The following FSTL5 variants were observed in gnomAD, a reference collection of about 807,000 sequenced individuals.
FSTL5 encodes the protein follistatin-related protein 5.
In FSTL5, 62 loss-of-function variants were observed where a neutral mutation model predicts 89.1. That is an observed-to-expected ratio of 0.70 (90% CI 0.57 to 0.86). The LOEUF (loss-of-function observed/expected upper bound fraction) is 0.86, where lower values mean the gene tolerates loss of function less well. FSTL5 is among the 40% of genes least tolerant of loss of function. The pLI, the probability that FSTL5 is intolerant of heterozygous loss-of-function variation, is 0.00. For missense variants in FSTL5, 1,057 were observed against 1,001.6 expected (o/e 1.06, Z -0.75); for synonymous variants, 383 against 346.2 (o/e 1.11, Z -1.18).
intron 3 of FSTL5, among the ~76,000 whole-genome samples, chr4:161,921,108 T>C (rs1472232940): frequency 6.6e-6 from 1 of 152,148 alleles, no homozygotes; most frequent in Non-Finnish European, 1.5e-5. Context: ...TGGCACATGA[T>C]AGATGTTCCA....
At position 161,920,500 on chromosome 4, in the gene FSTL5, C is replaced by T. The variant is rs148666972; in HGVS notation, c.313G>A (p.Gly105Arg). The change falls in exon 4 of 16, where the codon GGA becomes AGA. Residue 105 changes from glycine to arginine, a missense_variant. Gly to Arg is a moderately radical substitution (Grantham distance 125). Coordinates refer to ENST00000306100, the MANE Select transcript of FSTL5 (RefSeq NM_020116.5). ...TCACAGTGGTTTTCATAGAATTCTC[C>T]GTCAGATCCACACACAGGTTTGTAG... ...RHYKPVCGSDGEFYENHCEVH... is the reference protein window; with the variant it reads ...RHYKPVCGSDREFYENHCEVH... 40 of 1,613,116 alleles carry T rather than the reference C, an allele frequency of 2.5e-5. No individual in the cohort carries two copies. Among genetic ancestry groups the T allele is most frequent in the East Asian group, 2.5e-4 (11 of 44,756 alleles).
At chr4:161,570,998 C>T (rs1732987825) in intron 8 of FSTL5, among the ~76,000 whole-genome samples, 1 of 151,862 alleles carries the variant, frequency 6.6e-6, no homozygotes, top group Non-Finnish European at 1.5e-5. Flanking sequence ...CATGTAGTCC[C>T]AGCTACTACT....
At position 162,083,677 on chromosome 4, in the gene FSTL5, G is replaced by T. The variant is rs540579692; in HGVS notation, c.126+27594C>A. Among the ~76,000 whole-genome samples, 17 of 151,806 alleles carry T rather than the reference G, an allele frequency of 1.1e-4. 1 individual carries two copies. In the South Asian group the frequency reaches 3.5e-3, roughly 31 times the overall value. ...AAATCTAGGGACTTCTGAAATACTT[G>T]CAAGGAATAATTTCAAATATTATCA... On this transcript the variant is annotated intron_variant, in intron 2 of 15. Coordinates refer to ENST00000306100, the MANE Select transcript of FSTL5 (RefSeq NM_020116.5).
chr4:161,468,834 G>C (rs112239604), intron 13 of FSTL5, among the ~76,000 whole-genome samples: 131 of 151,992 alleles, frequency 8.6e-4, no homozygotes, highest in African/African-American at 3.0e-3. Context: ...AATTCTGATA[G>C]TATTAATTGT....
chr4:162,149,934 T>A (rs1733160763), intron 1 of FSTL5, among the ~76,000 whole-genome samples: 1 of 152,136 alleles, frequency 6.6e-6, no homozygotes, highest in Non-Finnish European at 1.5e-5. Context: ...AAGTCTTGAA[T>A]GAAAAACAGA....
At chr4:161,829,139 T>TTATATATATATATATATA (rs56839306) in intron 4 of FSTL5, among the ~76,000 whole-genome samples, 16 of 139,934 alleles carry the variant, frequency 1.1e-4, no homozygotes, top group Admixed American at 2.9e-4. Flanking sequence ...CAGTCACATT[T>TTATATATATATATATATA]TATATATATA....
intron 8 of FSTL5, among the ~76,000 whole-genome samples, chr4:161,580,829 A>G (rs1733408374): frequency 6.6e-6 from 1 of 152,208 alleles, no homozygotes; most frequent in African/African-American, 2.4e-5. Context: ...TTACTTTTGC[A>G]CTAAACTAAC....
chr4:161,973,631 AAATGT>A (rs1735547601), intron 3 of FSTL5, among the ~76,000 whole-genome samples: 1 of 152,158 alleles, frequency 6.6e-6, no homozygotes, highest in South Asian at 2.1e-4. Context: ...AAAATGTTCA[AAATGT>A]AATTCAGTCT....
chr4:161,416,126 A>G (rs560604698), intron 15 of FSTL5, among the ~76,000 whole-genome samples: 1 of 152,296 alleles, frequency 6.6e-6, no homozygotes, highest in South Asian at 2.1e-4. Context: ...ATCTACTGCA[A>G]CACATAATTT....
intron 3 of FSTL5, among the ~76,000 whole-genome samples, chr4:161,965,864 A>G (rs983020427): frequency 1.3e-5 from 2 of 151,982 alleles, no homozygotes; most frequent in African/African-American, 2.4e-5. Context: ...TCTTTTCACC[A>G]TTTACCAGTA....
intron 7 of FSTL5, among the ~76,000 whole-genome samples, chr4:161,624,347 G>A (rs777242374): frequency 1.3e-5 from 2 of 151,846 alleles, no homozygotes; most frequent in Admixed American, 6.6e-5. Context: ...GTCCCTTTAC[G>A]TATGTATCCA....
chr4:161,871,771 G>T (rs968118835), intron 4 of FSTL5, among the ~76,000 whole-genome samples: 6 of 152,090 alleles, frequency 3.9e-5, no homozygotes, highest in African/African-American at 1.4e-4. Context: ...GTAAGCAACA[G>T]ATTTGAATCA....
intron 4 of FSTL5, among the ~76,000 whole-genome samples, chr4:161,898,743 C>T (rs1361296728): frequency 6.6e-6 from 1 of 151,170 alleles, no homozygotes; most frequent in African/African-American, 2.4e-5. Flanking sequence ...CATTCTCCTG[C>T]CTCAGTCTCC....
intron 15 of FSTL5, among the ~76,000 whole-genome samples, chr4:161,392,128 C>G (rs983404206): frequency 1.3e-5 from 2 of 152,100 alleles, no homozygotes; most frequent in African/African-American, 4.8e-5. Flanking sequence ...ATAGTACATT[C>G]AAAGTGTCCA....
chr4:161,934,617 T>C (rs1448621946), intron 3 of FSTL5, among the ~76,000 whole-genome samples: 1 of 151,754 alleles, frequency 6.6e-6, no homozygotes, highest in African/African-American at 2.4e-5. Context: ...TTTTGTGGGG[T>C]TTTTTTTCGT....
chr4:161,785,845 A>T (rs1246933882), intron 4 of FSTL5, among the ~76,000 whole-genome samples: 2 of 151,946 alleles, frequency 1.3e-5, no homozygotes, highest in Non-Finnish European at 2.9e-5. Flanking sequence ...ATAATTATAT[A>T]TTTTTTTCTT....
At chr4:161,904,198 T>C (rs1209846160) in intron 4 of FSTL5, among the ~76,000 whole-genome samples, 1 of 152,036 alleles carries the variant, frequency 6.6e-6, no homozygotes, top group African/African-American at 2.4e-5. Flanking sequence ...AAAAAATCAC[T>C]TGGATTCTAG....
chr4:161,956,348 G>A (rs1434336170), intron 3 of FSTL5, among the ~76,000 whole-genome samples: 3 of 151,688 alleles, frequency 2.0e-5, no homozygotes, highest in African/African-American at 4.8e-5. Context: ...AAAAATGCAC[G>A]TATGACACAT....
chr4:161,995,726 T>C (rs1736272943), intron 3 of FSTL5, among the ~76,000 whole-genome samples: 1 of 152,014 alleles, frequency 6.6e-6, no homozygotes, highest in African/African-American at 2.4e-5. Context: ...TGCCCCTGAA[T>C]AAATTAACAT....
Sources: allele counts gnomAD v4.1 joint callset (sites outside exome capture counted in the v4.1 genomes callset), GRCh38; gene constraint gnomAD v4.1.1; transcripts MANE v1.5; gene names NCBI Gene and HGNC (gene_info 2026-07-23, HGNC 2026-07-21).